MAGI2: variants seen among roughly 807,000 people sequenced by gnomAD.
MAGI2 encodes the protein membrane associated guanylate kinase, WW and PDZ domain containing 2.
Under a neutral mutation model 133.3 loss-of-function variants are expected in MAGI2, and 35 were observed. The ratio of observed to expected loss-of-function variants is 0.26; its 90% CI spans 0.20 to 0.35. The LOEUF (loss-of-function observed/expected upper bound fraction) is 0.35. Ranked by LOEUF, MAGI2 falls within the 10% of genes least tolerant of loss-of-function variation. The pLI is 1.00. For missense variants in MAGI2, 1,636 were observed against 1,863.4 expected (o/e 0.88, Z 2.25); for synonymous variants, 729 against 710.6 (o/e 1.03, Z -0.41).
At chr7:79,380,233 T>G (rs1362964880) in intron 1 of MAGI2, among the ~76,000 whole-genome samples, 1 of 151,814 alleles carries the variant, frequency 6.6e-6, no homozygotes, top group Non-Finnish European at 1.5e-5. Flanking sequence ...GGAGAAAATT[T>G]TTGCAATCTA....
intron 1 of MAGI2, among the ~76,000 whole-genome samples, chr7:79,111,671 GTT>G (rs1385971513): frequency 6.6e-6 from 1 of 152,018 alleles, no homozygotes; most frequent in Middle Eastern, 3.2e-3. Context: ...TTGTTTGTTT[GTT>G]TGTTTGTTTT....
intron 2 of MAGI2, among the ~76,000 whole-genome samples, chr7:78,757,280 TC>T (rs1326490927): frequency 6.8e-6 from 1 of 146,804 alleles, no homozygotes; most frequent in Non-Finnish European, 1.5e-5. Flanking sequence ...TCTCCCCTCC[TC>T]CCTCCCTCCC....
rs144788617 is a variant in MAGI2 at position 78,809,889 on chromosome 7, T to A, written c.419-182650A>T. On this transcript the variant is annotated intron_variant, in intron 2 of 21. Coordinates refer to ENST00000354212, the MANE Select transcript of MAGI2 (RefSeq NM_012301.4). ...TAAAAAGTAAGTAATTGCCTGAGAT[T>A]TTGGAAATGGAACTATGAAAACAAT... Among the ~76,000 whole-genome samples, 1,187 of 152,286 alleles carry A rather than the reference T, an allele frequency of 7.8e-3. 40 individuals are homozygous for A. The highest frequency in any genetic ancestry group is 0.051 in the Admixed American group (781 of 15,302).
intron 1 of MAGI2, among the ~76,000 whole-genome samples, chr7:79,317,610 C>T (rs1838841480): frequency 1.3e-5 from 2 of 152,124 alleles, no homozygotes; most frequent in African/African-American, 4.8e-5. Context: ...TCTTTACATT[C>T]TATTTTTTCA....
chr7:79,261,584 G>A lies in MAGI2; in HGVS notation c.301+191436C>T, dbSNP rs2129556452. On this transcript the variant is annotated intron_variant, in intron 1 of 21. Transcript: ENST00000354212. ...CCTCCCTCTGACCCCTTTATGTAAT[G>A]TTTCTACCCATCTCCCCACACACAA... Among the ~76,000 whole-genome samples, 3 of 152,068 alleles carry A rather than the reference G, an allele frequency of 2.0e-5. No individual in the cohort carries two copies. In the South Asian group the frequency reaches 6.2e-4, roughly 32 times the overall value.
At chr7:79,301,803 G>A (rs1198502408) in intron 1 of MAGI2, among the ~76,000 whole-genome samples, 1 of 152,158 alleles carries the variant, frequency 6.6e-6, no homozygotes, top group African/African-American at 2.4e-5. Context: ...GCTGGAATAG[G>A]GCCTGGTGGA....
chr7:78,679,410 A>G (rs1815404889), intron 2 of MAGI2, among the ~76,000 whole-genome samples: 2 of 152,158 alleles, frequency 1.3e-5, no homozygotes, highest in African/African-American at 4.8e-5. Context: ...AGAACATATC[A>G]CGGTTTTAGC....
intron 1 of MAGI2, among the ~76,000 whole-genome samples, chr7:79,330,737 T>TTCAAATA (rs1840018659): frequency 6.6e-6 from 1 of 152,074 alleles, no homozygotes; most frequent in Admixed American, 6.6e-5. Context: ...TGGCCAAAGA[T>TTCAAATA]TGTTGTGAGG....
At chr7:79,041,563 T>C (rs1811673720) in intron 1 of MAGI2, among the ~76,000 whole-genome samples, 1 of 152,158 alleles carries the variant, frequency 6.6e-6, no homozygotes, top group Admixed American at 6.5e-5. Flanking sequence ...ATTATCACAT[T>C]AGTATAAAAG....
At chr7:79,377,626 C>G (rs1156419748) in intron 1 of MAGI2, among the ~76,000 whole-genome samples, 1 of 151,688 alleles carries the variant, frequency 6.6e-6, no homozygotes, top group South Asian at 2.1e-4. Context: ...AGATGGACAG[C>G]CAAAAAGCTT....
rs892341762 is a variant in MAGI2, at chr7:78,358,210, T to C, written c.1103+10946A>G. 8 of 68,528 alleles carry C rather than the reference T, an allele frequency of 1.2e-4. 1 individual carries two copies. Among genetic ancestry groups the C allele is most frequent in the African/African-American group, 4.6e-4 (7 of 15,166 alleles). The allele number at this position is 68,528 out of a possible 1,614,324, so 4.2% of individuals were successfully genotyped here. ...AAAAAAAAAAAAATATATATATATATATATATATATATATATATATGGACA... is the reference window on the plus strand; with the variant it reads ...AAAAAAAAAAAAATATATATATATACATATATATATATATATATATGGACA... On this transcript the variant is annotated intron_variant, in intron 7 of 21. Coordinates refer to ENST00000354212, the MANE Select transcript of MAGI2 (RefSeq NM_012301.4).
chr7:78,605,954 T>C (rs1399239713), intron 3 of MAGI2, among the ~76,000 whole-genome samples: 1 of 152,184 alleles, frequency 6.6e-6, no homozygotes. Context: ...ACACTACTCG[T>C]TGGCGACCTC....
intron 1 of MAGI2, among the ~76,000 whole-genome samples, chr7:79,265,721 G>GTGC (rs1210760654): frequency 1.3e-5 from 2 of 152,072 alleles, no homozygotes; most frequent in African/African-American, 4.8e-5. Context: ...TCATGGTGGG[G>GTGC]TGCTGCCTGG....
chr7:78,791,182 T>C (rs1484303937), intron 2 of MAGI2, among the ~76,000 whole-genome samples: 2 of 152,054 alleles, frequency 1.3e-5, no homozygotes, highest in African/African-American at 2.4e-5. Flanking sequence ...AACAGGAAAC[T>C]GGTAACTCAC....
intron 21 of MAGI2, among the ~76,000 whole-genome samples, chr7:78,048,492 G>A (rs1003732054): frequency 2.6e-5 from 4 of 152,002 alleles, no homozygotes; most frequent in East Asian, 1.9e-4. Flanking sequence ...CCCCTCCACC[G>A]ATTACTAAAA....
At chr7:78,259,542 T>C (rs1485791537) in intron 9 of MAGI2, among the ~76,000 whole-genome samples, 1 of 152,196 alleles carries the variant, frequency 6.6e-6, no homozygotes, top group Non-Finnish European at 1.5e-5. Flanking sequence ...CTTTGTCCTT[T>C]GTTATATTCT....
chr7:78,783,205 A>G (rs981088828), intron 2 of MAGI2, among the ~76,000 whole-genome samples: 11 of 152,228 alleles, frequency 7.2e-5, no homozygotes, highest in South Asian at 2.1e-4. Flanking sequence ...TCGCTCTTCA[A>G]GATAAAATCC....
rs182563672 is a variant in MAGI2, at chr7:78,697,904, T to C, written c.419-70665A>G. 1.2e-4 allele frequency among the ~76,000 whole-genome samples: 19 copies of C among 152,300 alleles called. No homozygotes were observed. In the East Asian group the frequency reaches 3.7e-3, roughly 29 times the overall value. ...TTTTCTTCCAGCTATAGAAAAAAAG[T>C]ATACCTATTCACTTCTCCTTATAAG... On this transcript the variant is annotated intron_variant, in intron 2 of 21. Coordinates refer to ENST00000354212, the MANE Select transcript of MAGI2 (RefSeq NM_012301.4).
At chr7:78,289,618 C>T (rs1044630288) in intron 9 of MAGI2, among the ~76,000 whole-genome samples, 3 of 152,078 alleles carry the variant, frequency 2.0e-5, no homozygotes, top group Admixed American at 6.6e-5. Context: ...AGATACTCCT[C>T]GAGAAGAGCA....
Sources: gnomAD v4.1 joint callset for allele counts (sites outside exome capture counted in the v4.1 genomes callset) on GRCh38, gnomAD v4.1.1 for gene constraint, MANE v1.5 for transcripts, NCBI Gene and HGNC (gene_info 2026-07-23, HGNC 2026-07-21) for gene names.